SLC46A1: variants seen among roughly 807,000 people sequenced by gnomAD.
SLC46A1 encodes proton-coupled folate transporter.
SLC46A1 carries 17 observed loss-of-function variants against 32.1 expected under a neutral mutation model. The observed-to-expected ratio is 0.53, with a 90% CI of 0.36 to 0.79. The LOEUF (loss-of-function observed/expected upper bound fraction) is 0.79, where lower values mean the gene tolerates loss of function less well. SLC46A1 is among the 30% of genes least tolerant of loss of function. The pLI, the probability that SLC46A1 is intolerant of heterozygous loss-of-function variation, is 0.00. For missense variants in SLC46A1, 517 were observed against 588.2 expected, an observed-to-expected ratio of 0.88 and a Z score of 1.25; for synonymous variants, 240 against 262.7, an observed-to-expected ratio of 0.91 and a Z score of 0.84.
At chr17:28,400,979 C>T (rs2068190779) in intron 3 of SLC46A1, 1 of 578,800 alleles carries the variant, frequency 1.7e-6, no homozygotes, top group Non-Finnish European at 3.1e-6. Flanking sequence ...AAACAAATGG[C>T]TGCTATTAAA....
chr17:28,406,525 T>G, upstream of SLC46A1: 1 of 171,558 alleles, frequency 5.8e-6, no homozygotes. This position sits in a 1 kb window ranked among gnomAD's most constrained non-coding sequence, Gnocchi z 4.5. Flanking sequence ...GGCTAGCCAA[T>G]ATTAACCATC....
rs2068194115 is a variant in SLC46A1, at chr17:28,401,231, A to C, written c.1166-465T>G. 4.2e-5 allele frequency: 8 copies of C among 189,906 alleles called. No individual in the cohort carries two copies. The South Asian group carries it at 8.4e-4, about 20-fold the overall frequency. The allele number at this position is 189,906 out of a possible 1,614,324, so 11.8% of individuals were successfully genotyped here. A position where few individuals can be genotyped will look rare whatever the true frequency, so the allele number is the denominator to read the frequency against. On this transcript the variant is annotated intron_variant, in intron 3 of 4. Coordinates refer to ENST00000612814, the MANE Select transcript of SLC46A1 (RefSeq NM_080669.6). ...TTCCTCCTTCTGCTAAATAAGGATAATACCTATTTCCTAGATTGTGAGCAA... is the reference window on the plus strand; with the variant it reads ...TTCCTCCTTCTGCTAAATAAGGATACTACCTATTTCCTAGATTGTGAGCAA...
At position 28,395,370 on chromosome 17, in the gene SLC46A1, C is replaced by T. The variant is rs1284042003; in HGVS notation, c.*4286G>A. 1 of 154,026 alleles carries T rather than the reference C, an allele frequency of 6.5e-6. No homozygotes were observed. The highest frequency in any genetic ancestry group is 1.4e-5 in the Non-Finnish European group (1 of 69,400). 9.5% of individuals were successfully genotyped at this position (154,026 alleles called of 1,614,324 possible). On this transcript the variant is annotated 3_prime_UTR_variant, in exon 5 of 5. Coordinates refer to ENST00000612814, the MANE Select transcript of SLC46A1 (RefSeq NM_080669.6). ...GAGGTGTGGATGCCATGCCTTCTAC[C>T]ACCTTCCCAGCACCTACACCTGTTT...
Position 28,405,947 on chromosome 17 carries a change from G to A in SLC46A1, c.168C>T (p.Gly56=), listed in dbSNP as rs782481955. The A allele has an allele frequency of 3.7e-6, 6 of 1,611,042 alleles. No homozygotes were observed. The African/African-American group carries it at 4.0e-5, about 11-fold the overall frequency. ...YLWHRFSADL[G]YNGTRQRGGC... is the part of the protein sequence containing the mutation. ...CCCCCCTTTGGCGGGTGCCATTGTA[G>A]CCGAGGTCGGCGCTGAAGCGGTGCC... Residue 56 remains glycine, a synonymous_variant, in exon 1 of 5, where the codon GGC becomes GGT. Coordinates refer to ENST00000612814, the MANE Select transcript of SLC46A1 (RefSeq NM_080669.6).
At position 28,396,050 on chromosome 17, in the gene SLC46A1, AGGGGGGTAGG is replaced by A; in HGVS notation, c.*3596_*3605del. 3 of 1,613,632 alleles carry A rather than the reference AGGGGGGTAGG, an allele frequency of 1.9e-6. No individual in the cohort carries two copies. The highest frequency in any genetic ancestry group is 2.5e-6 in the Non-Finnish European group (3 of 1,179,718). Reference sequence around the variant, plus strand: ...AAGTGAGCCCCAGGGCCCTGGGACCAGGGGGGTAGGGTACAAATCACCATGACAGGCAGAG... The same window carrying A: ...AAGTGAGCCCCAGGGCCCTGGGACCAGTACAAATCACCATGACAGGCAGAG... On this transcript the variant is annotated 3_prime_UTR_variant, in exon 5 of 5. Coordinates refer to ENST00000612814, the MANE Select transcript of SLC46A1 (RefSeq NM_080669.6).
intron 2 of SLC46A1, 73 bp from the exon 3 acceptor site, chr17:28,402,394 T>C: frequency 7.6e-7 from 1 of 1,312,454 alleles, no homozygotes; most frequent in Non-Finnish European, 1.1e-6. Flanking sequence ...GCAGCAGAGC[T>C]CCTATCCATA....
At position 28,405,128 on chromosome 17, in the gene SLC46A1, A is replaced by G; in HGVS notation, c.569T>C (p.Val190Ala). The G allele has an allele frequency of 6.2e-7, 1 of 1,612,562 alleles. No homozygotes were observed. The highest frequency in any genetic ancestry group is 1.1e-5 in the South Asian group (1 of 91,052). Residue 190 changes from valine (V) to alanine (A), a missense_variant, in exon 2 of 5, where the codon GTG (valine) becomes GCG (alanine). Coordinates refer to ENST00000612814, the MANE Select transcript of SLC46A1 (RefSeq NM_080669.6). The stretch of plus-strand genomic sequence containing the variant: ...GAGGAGGCTTGCCAGCATCCCAGCC[A>G]CCCCGATGCTGGCTTCCAGCAGGGC... ...RMALLEASIG[V>A]AGMLASLLGG...
In SLC46A1 at chr17:28,405,200, G is replaced by A. The variant is rs1555590800; in HGVS notation, c.497C>T (p.Ala166Val). Residue 166 changes from alanine to valine, a missense_variant, in exon 2 of 5, where the codon GCG becomes GTG. Transcript: ENST00000612814. ...ACTGGAGCTGACATCTGCCACGGACGCAAAGCTAGCAGCCAGAAGGCCACC... is the reference window on the plus strand; with the variant it reads ...ACTGGAGCTGACATCTGCCACGGACACAAAGCTAGCAGCCAGAAGGCCACC... ...DFGGLLAASF[A>V]SVADVSSSRS... 1.2e-6 allele frequency: 2 copies of A among 1,601,330 alleles called. No homozygotes were observed. The highest frequency in any genetic ancestry group is 1.7e-6 in the Non-Finnish European group (2 of 1,174,088).
chr17:28,405,857 C>T (rs782218953), intron 1 of SLC46A1, 30 bp downstream of exon 1: 1 of 1,539,830 alleles, frequency 6.5e-7, no homozygotes, highest in African/African-American at 1.4e-5. Context: ...CAGGGCCCTC[C>T]ACCTGCCAGG....
rs781801199 is a variant in SLC46A1 at position 28,402,317 on chromosome 17, A to C, written c.1086T>G (p.Tyr362Ter). 6.2e-7 allele frequency: 1 copy of C among 1,613,008 alleles called. No individual in the cohort carries two copies. Among genetic ancestry groups the C allele is most frequent in the South Asian group, 1.1e-5 (1 of 90,782 alleles). The part of the protein sequence containing the change: ...ATITPLMFTG[Y>*]GLLFLSLVIT... The stretch of plus-strand genomic sequence containing the variant: ...TGACTAATGACAGGAAAAGCAACCC[A>C]TATCCTGTGGAGAAACAAACACTCA... Residue 362 changes from tyrosine to a stop codon, truncating the protein, a stop_gained, in exon 3 of 5, where the codon TAT (tyrosine) becomes TAG (stop). Transcript: ENST00000612814. LOFTEE classifies it high-confidence loss of function.
chr17:28,400,573 G>T, intron 4 of SLC46A1, 37 bp downstream of exon 4: 1 of 1,610,286 alleles, frequency 6.2e-7, no homozygotes, highest in Admixed American at 1.7e-5. Context: ...AAGAGAAAGG[G>T]CTCCATTATG....
Position 28,395,819 on chromosome 17 carries a change from G to A in SLC46A1, c.*3837C>T. 6.5e-7 allele frequency: 1 copy of A among 1,542,044 alleles called. No homozygotes were observed. The highest frequency in any genetic ancestry group is 1.1e-5 in the South Asian group (1 of 88,234). On this transcript the variant is annotated 3_prime_UTR_variant, in exon 5 of 5. Transcript: ENST00000612814. ...TGTCCTGCCCTGGGCCCAGCCTCGGGCCAGTGGGCCTCCCAGCACCTGCCT... is the reference window on the plus strand; with the variant it reads ...TGTCCTGCCCTGGGCCCAGCCTCGGACCAGTGGGCCTCCCAGCACCTGCCT...
At position 28,399,713 on chromosome 17, in the gene SLC46A1, C is replaced by T; in HGVS notation, c.1323G>A (p.Gly441=). Reference sequence around the variant, plus strand: ...GGTGAGGATCAGCCTTTTCCAGCATCCTGTGAGAGACCAGAGAGAGAGTTT... The same window carrying T: ...GGTGAGGATCAGCCTTTTCCAGCATTCTGTGAGAGACCAGAGAGAGAGTTT... ...GLLLIPAVLI[G]MLEKADPHLE... The change falls in exon 5 of 5, where the codon GGG becomes GGA. Residue 441 remains glycine (G), a splice_region_variant and synonymous_variant. Coordinates refer to ENST00000612814, the MANE Select transcript of SLC46A1 (RefSeq NM_080669.6). 1 of 1,613,920 alleles carries T rather than the reference C, an allele frequency of 6.2e-7. No individual in the cohort carries two copies. Among genetic ancestry groups the T allele is most frequent in the East Asian group, 2.2e-5 (1 of 44,884 alleles).
rs969681910 is a variant in SLC46A1 at position 28,395,484 on chromosome 17, T to C, written c.*4172A>G. 5.7e-6 allele frequency: 1 copy of C among 174,270 alleles called. No homozygotes were observed. Among genetic ancestry groups the C allele is most frequent in the East Asian group, 1.5e-4 (1 of 6,866 alleles). The allele number at this position is 174,270 out of a possible 1,614,324, so 10.8% of individuals were successfully genotyped here. A position where few individuals can be genotyped will look rare whatever the true frequency, so the allele number is the denominator to read the frequency against. On this transcript the variant is annotated 3_prime_UTR_variant, in exon 5 of 5. Coordinates refer to ENST00000612814, the MANE Select transcript of SLC46A1 (RefSeq NM_080669.6). Reference sequence around the variant, plus strand: ...GCATGATTGATTAAATCATTGGCCATTGGTGATTGAACTCAATCTCCAGCA... The same window carrying C: ...GCATGATTGATTAAATCATTGGCCACTGGTGATTGAACTCAATCTCCAGCA...
rs1195497620 is a variant in SLC46A1 at position 28,405,733 on chromosome 17, C to T, written c.228+154G>A. The T allele has an allele frequency of 4.0e-6, 4 of 1,009,620 alleles. No homozygotes were observed. The African/African-American group carries it at 6.5e-5, about 16-fold the overall frequency. The allele number at this position is 1,009,620 out of a possible 1,614,324, so 62.5% of individuals were successfully genotyped here. On this transcript the variant is annotated intron_variant, in intron 1 of 4. Coordinates refer to ENST00000612814, the MANE Select transcript of SLC46A1 (RefSeq NM_080669.6). ...TTCGCATCCCACCCGCTGAGGTTCTCGGTCAGGCCCCTTTGCTCTGGTCCC... is the reference window on the plus strand; with the variant it reads ...TTCGCATCCCACCCGCTGAGGTTCTTGGTCAGGCCCCTTTGCTCTGGTCCC...
Position 28,406,200 on chromosome 17 carries a change from G to T in SLC46A1, c.-86C>A, listed in dbSNP as rs2068261375. The stretch of plus-strand genomic sequence containing the variant: ...TGGGACCAGCGACGCGTGGCGTGGG[G>T]CTTGCGCTGTCTGCGCCTGCGCCCG... On this transcript the variant is annotated 5_prime_UTR_variant, in exon 1 of 5. Coordinates refer to ENST00000612814, the MANE Select transcript of SLC46A1 (RefSeq NM_080669.6). This position sits in a 1 kb window ranked among gnomAD's most constrained non-coding sequence, Gnocchi z 4.5. The T allele has an allele frequency of 1.9e-6, 2 of 1,065,740 alleles. No homozygotes were observed. The highest frequency in any genetic ancestry group is 2.4e-6 in the Non-Finnish European group (2 of 819,594). The allele number at this position is 1,065,740 out of a possible 1,614,324, so 66.0% of individuals were successfully genotyped here. A position where few individuals can be genotyped will look rare whatever the true frequency, so the allele number is the denominator to read the frequency against.
upstream of SLC46A1, chr17:28,406,434 A>C: frequency 1.6e-5 from 5 of 316,500 alleles, no homozygotes; most frequent in East Asian, 5.5e-5. The surrounding 1 kb of genome is among the most constrained non-coding windows in gnomAD (Gnocchi z 4.5). Flanking sequence ...AATATCAACA[A>C]TTAACATGTA....
chr17:28,396,038 G>C lies in SLC46A1; in HGVS notation c.*3618C>G. On this transcript the variant is annotated 3_prime_UTR_variant, in exon 5 of 5. Coordinates refer to ENST00000612814, the MANE Select transcript of SLC46A1 (RefSeq NM_080669.6). ...TTCAACGGTATCAAGTGAGCCCCAG[G>C]GCCCTGGGACCAGGGGGGTAGGGTA... 1 of 1,613,844 alleles carries C rather than the reference G, an allele frequency of 6.2e-7. No homozygotes were observed. Among genetic ancestry groups the C allele is most frequent in the Non-Finnish European group, 8.5e-7 (1 of 1,179,836 alleles).
In SLC46A1 at chr17:28,404,860, A is replaced by C. The variant is rs1567818330; in HGVS notation, c.837T>G (p.Thr279=). Residue 279 remains threonine, a synonymous_variant, in exon 2 of 5, where the codon ACT becomes ACG. Transcript: ENST00000612814. Reference sequence around the variant, plus strand: ...AGATGTCCTGGGCCCCAAAGTGCACAGTGATCACCACGAAGATGGCCAGTG... The same window carrying C: ...AGATGTCCTGGGCCCCAAAGTGCACCGTGATCACCACGAAGATGGCCAGTG... ...LYSLAIFVVI[T]VHFGAQDILT... 3.1e-6 allele frequency: 5 copies of C among 1,614,048 alleles called. No individual in the cohort carries two copies. Among genetic ancestry groups the C allele is most frequent in the Non-Finnish European group, 3.4e-6 (4 of 1,179,902 alleles).
Sources: gnomAD v4.1 joint callset for allele counts on GRCh38, gnomAD v4.1.1 for gene constraint, Gnocchi (gnomAD v3.1) non-coding constraint, MANE v1.5 for transcripts, NCBI Gene and HGNC (gene_info 2026-07-23, HGNC 2026-07-21) for gene names.